Variants in HACL1 observed in about 807,000 individuals in gnomAD.
HACL1 encodes 1600020H07Rik.
Under a neutral mutation model 74.2 loss-of-function variants are expected in HACL1, and 64 were observed. The observed-to-expected ratio is 0.86, with a 90% CI of 0.70 to 1.06. The LOEUF is 1.06. Among genes scored for constraint, HACL1 ranks in the 50% least tolerant of loss-of-function variants. The probability of loss-of-function intolerance (pLI) is 0.00; values close to 1 mark genes in which losing one functional copy is unlikely to be tolerated. For synonymous variants in HACL1, 230 were observed against 238.8 expected (o/e 0.96, Z 0.34); for missense variants, 728 against 719.7 (o/e 1.01, Z -0.13).
intron 7 of HACL1, 149 bp from the exon 8 acceptor site, chr3:15,583,138 CATTT>C (rs887851857): frequency 1.3e-5 from 7 of 543,636 alleles, no homozygotes; most frequent in Admixed American, 7.1e-5. Flanking sequence ...CATTTTACCA[CATTT>C]GTTTCATATA....
At chr3:15,569,757 T>C (rs2063493612) in intron 12 of HACL1, among the ~76,000 whole-genome samples, 1 of 149,388 alleles carries the variant, frequency 6.7e-6, no homozygotes, top group Non-Finnish European at 1.5e-5. Flanking sequence ...GAGGCGGAGG[T>C]TGCGGTGAGC....
chr3:15,574,978 TG>T lies in HACL1; in HGVS notation c.907del (p.Gln303ArgfsTer13). On this transcript the variant is annotated frameshift_variant and splice_region_variant, in exon 10 of 17. Transcript: ENST00000321169. LOFTEE classifies it high-confidence loss of function. ...PRYQPDVKFI[Q>X]VDICAEELGN... Reference sequence around the variant, plus strand: ...TTTAAGTTCCTCCTCTCTAAGTACCTGGATAAACTTCACATCTGGCTGATAT... The same window carrying T: ...TTTAAGTTCCTCCTCTCTAAGTACCTGATAAACTTCACATCTGGCTGATAT... The T allele has an allele frequency of 7.1e-7, 1 of 1,416,008 alleles. No homozygotes were observed. The highest frequency in any genetic ancestry group is 1.0e-6 in the Non-Finnish European group (1 of 1,001,856). 87.7% of individuals were successfully genotyped at this position (1,416,008 alleles called of 1,614,324 possible).
intron 8 of HACL1, 52 bp downstream of exon 8, chr3:15,582,825 A>C (rs529956085): frequency 1.3e-5 from 11 of 851,964 alleles, no homozygotes; most frequent in South Asian, 2.9e-5. Flanking sequence ...GTTTGTAAAA[A>C]GAATTGGCAC....
chr3:15,576,698 T>C (rs1331547420), intron 9 of HACL1, among the ~76,000 whole-genome samples: 1 of 152,198 alleles, frequency 6.6e-6, no homozygotes, highest in African/African-American at 2.4e-5. Context: ...TGGGTTTTGT[T>C]TTGTTTTTCA....
At chr3:15,589,518 C>A (rs199810254) in intron 5 of HACL1, 22 bp downstream of exon 5, 48 of 1,527,626 alleles carry the variant, frequency 3.1e-5, no homozygotes, top group Admixed American at 2.7e-4. Context: ...ATAAAAAAAA[C>A]CAAAATCTTA....
chr3:15,563,295 T>C (rs1303223205), intron 16 of HACL1, 63 bp downstream of exon 16: 9 of 1,126,210 alleles, frequency 8.0e-6, no homozygotes, highest in Non-Finnish European at 4.0e-6. Context: ...TGGTAGATAC[T>C]TTTTGGAGGG....
At position 15,601,214 on chromosome 3, in the gene HACL1, G is replaced by T; in HGVS notation, c.82-20C>A. On this transcript the variant is annotated intron_variant, in intron 1 of 16. Coordinates refer to ENST00000321169, the MANE Select transcript of HACL1 (RefSeq NM_012260.4). ...CACATCCTGAGGAACGAAGAACAGGGGAGTAAACTCCCAAGGCCCCACCAT... is the reference window on the plus strand; with the variant it reads ...CACATCCTGAGGAACGAAGAACAGGTGAGTAAACTCCCAAGGCCCCACCAT... 6.3e-7 allele frequency: 1 copy of T among 1,585,418 alleles called. No individual in the cohort carries two copies. The highest frequency in any genetic ancestry group is 1.1e-5 in the South Asian group (1 of 90,516).
Position 15,568,466 on chromosome 3 carries a change from G to A in HACL1, c.1216C>T (p.Arg406Trp), listed in dbSNP as rs144328498. The change falls in exon 13 of 17, where the codon CGG (arginine) becomes TGG (tryptophan). Residue 406 changes from arginine to tryptophan, a missense_variant. Arg to Trp is a moderately radical substitution (Grantham distance 101). Coordinates refer to ENST00000321169, the MANE Select transcript of HACL1 (RefSeq NM_012260.4). ...SEGANTMDIG[R>W]TVLQNYLPRH... ...GGAAGGTAGTTCTGAAGCACAGTCC[G>A]TCCAATGTCCATAGTATTTGCTCCT... The A allele has an allele frequency of 1.3e-4, 208 of 1,603,634 alleles. 1 individual carries two copies. Among genetic ancestry groups the A allele is most frequent in the Non-Finnish European group, 1.6e-4 (186 of 1,172,996 alleles).
intron 2 of HACL1, among the ~76,000 whole-genome samples, chr3:15,597,165 G>C (rs190666949): frequency 1.3e-4 from 20 of 152,012 alleles, no homozygotes; most frequent in Non-Finnish European, 2.5e-4. Flanking sequence ...TTCTCAATCA[G>C]TCTATCTTGA....
chr3:15,563,290 G>T, intron 16 of HACL1, 68 bp downstream of exon 16: 1 of 1,041,418 alleles, frequency 9.6e-7, no homozygotes, highest in Non-Finnish European at 1.5e-6. Context: ...CTGTTTGGTA[G>T]ATACTTTTTG....
intron 4 of HACL1, among the ~76,000 whole-genome samples, chr3:15,590,376 T>C (rs1460934353): frequency 6.6e-6 from 1 of 150,412 alleles, no homozygotes; most frequent in Non-Finnish European, 1.5e-5. Flanking sequence ...ACTTAAAAAA[T>C]ATAACACCTT....
chr3:15,591,038 A>G (rs1291360085), intron 4 of HACL1, among the ~76,000 whole-genome samples: 1 of 152,194 alleles, frequency 6.6e-6, no homozygotes, highest in Non-Finnish European at 1.5e-5. Context: ...CCAAGATTGC[A>G]CCACTGCACT....
chr3:15,583,256 C>A (rs1161610178), intron 7 of HACL1, among the ~76,000 whole-genome samples: 1 of 152,114 alleles, frequency 6.6e-6, no homozygotes, highest in East Asian at 1.9e-4. Flanking sequence ...TGAATAAGGA[C>A]CTTCTCCTAT....
chr3:15,598,185 T>C (rs1022818193), intron 2 of HACL1, among the ~76,000 whole-genome samples: 6 of 152,060 alleles, frequency 3.9e-5, no homozygotes, highest in African/African-American at 1.4e-4. Context: ...CCACCACGCC[T>C]GGCTAATTTT....
chr3:15,591,297 T>TA (rs1477594957), intron 4 of HACL1, among the ~76,000 whole-genome samples: 2 of 152,176 alleles, frequency 1.3e-5, no homozygotes, highest in Non-Finnish European at 2.9e-5. Flanking sequence ...TAAAAGTACC[T>TA]AAAATTTACT....
At chr3:15,591,427 C>T (rs2063890528) in intron 4 of HACL1, among the ~76,000 whole-genome samples, 173 bp downstream of exon 4, 1 of 151,980 alleles carries the variant, frequency 6.6e-6, no homozygotes, top group Non-Finnish European at 1.5e-5. Flanking sequence ...CTCCCTATTC[C>T]CCCTCCTCCT....
chr3:15,595,482 T>C (rs1437150137), intron 3 of HACL1, among the ~76,000 whole-genome samples: 1 of 151,974 alleles, frequency 6.6e-6, no homozygotes, highest in Non-Finnish European at 1.5e-5. Context: ...AAAAGTATGA[T>C]ACACATTCCT....
chr3:15,596,412 C>A lies in HACL1; in HGVS notation c.199G>T (p.Ala67Ser). ...MRNEQAACYA[A>S]SAIGYLTSRP... ...CTTGTCAGATATCCAATCGCGGAGG[C>A]AGCATAACAAGCCTACGAGAAAACA... Residue 67 changes from alanine to serine, a missense_variant, in exon 3 of 17, where the codon GCC (alanine) becomes TCC (serine). Coordinates refer to ENST00000321169, the MANE Select transcript of HACL1 (RefSeq NM_012260.4). The A allele has an allele frequency of 6.3e-7, 1 of 1,599,018 alleles. No individual in the cohort carries two copies. The highest frequency in any genetic ancestry group is 8.6e-7 in the Non-Finnish European group (1 of 1,166,434).
Position 15,596,586 on chromosome 3 carries a change from T to C in HACL1, c.187-162A>G, listed in dbSNP as rs183724105. On this transcript the variant is annotated intron_variant, in intron 2 of 16. Transcript: ENST00000321169. ...TGTTCTACACATAAATTTCAAATAA[T>C]GGTTATCTAAATTTTAGTTTTTCAG... Among the ~76,000 whole-genome samples the C allele has an allele frequency of 2.0e-5, 3 of 152,354 alleles. No homozygotes were observed. In the East Asian group the frequency reaches 5.8e-4, roughly 29 times the overall value.
Sources: gnomAD v4.1 joint callset for allele counts (sites outside exome capture counted in the v4.1 genomes callset) on GRCh38, gnomAD v4.1.1 for gene constraint, MANE v1.5 for transcripts, NCBI Gene and HGNC (gene_info 2026-07-23, HGNC 2026-07-21) for gene names.